Variants in AOC1 observed in about 807,000 individuals in gnomAD.
AOC1 encodes the protein amine oxidase copper containing 1.
AOC1 carries 58 observed loss-of-function variants against 57.1 expected under a neutral mutation model. The ratio of observed to expected loss-of-function variants is 1.02; its 90% CI spans 0.82 to 1.26. AOC1 has a LOEUF of 1.26. AOC1 is among the 50% of genes most tolerant of loss of function. The pLI is 0.00. For synonymous variants in AOC1, 401 were observed against 423.4 expected (o/e 0.95, Z 0.65); for missense variants, 917 against 1,005.3 (o/e 0.91, Z 1.19).
intron 1 of AOC1, among the ~76,000 whole-genome samples, chr7:150,853,285 G>T (rs183196221): frequency 6.6e-6 from 1 of 152,176 alleles, no homozygotes; most frequent in African/African-American, 2.4e-5. Flanking sequence ...TGATGTGCAG[G>T]TTCATCAGCC....
At chr7:150,859,441 C>T (rs148084734) in intron 3 of AOC1, among the ~76,000 whole-genome samples, 16 of 152,082 alleles carry the variant, frequency 1.1e-4, no homozygotes, top group African/African-American at 3.1e-4. Flanking sequence ...CGGTGGCTCA[C>T]GCCTGTAATC....
At chr7:150,860,331 C>A in intron 3 of AOC1, 170 bp from the exon 4 acceptor site, 1 of 1,209,628 alleles carries the variant, frequency 8.3e-7, no homozygotes, top group Non-Finnish European at 1.1e-6. Context: ...TGTGGGTCAC[C>A]TGAACCCGGT....
chr7:150,853,686 TATATATATA>T (rs375894324), intron 1 of AOC1, among the ~76,000 whole-genome samples: 34,857 of 92,560 alleles, frequency 0.38, 5,129 homozygotes, highest in East Asian at 0.57. Flanking sequence ...TATATATATA[TATATATATA>T]TATTTATTTA....
chr7:150,858,893 C>G lies in AOC1; in HGVS notation c.1701C>G (p.Phe567Leu). The G allele has an allele frequency of 6.2e-7, 1 of 1,613,694 alleles. No homozygotes were observed. Among genetic ancestry groups the G allele is most frequent in the Non-Finnish European group, 8.5e-7 (1 of 1,179,744 alleles). The change falls in exon 3 of 5, where the codon TTC becomes TTG. Residue 567 changes from phenylalanine to leucine, a missense_variant. Phe to Leu is a conservative substitution (Grantham distance 22). Coordinates refer to ENST00000360937, the MANE Select transcript of AOC1 (RefSeq NM_001091.4). ...ACTCCTGGGAGCGCCAGGCGGCCTTCCGCTTCAAAAGGAAGCTGCCTAAGT... is the reference window on the plus strand; with the variant it reads ...ACTCCTGGGAGCGCCAGGCGGCCTTGCGCTTCAAAAGGAAGCTGCCTAAGT... ...TQYSWERQAAFRFKRKLPKYL... is the reference protein window; with the variant it reads ...TQYSWERQAALRFKRKLPKYL...
At position 150,857,231 on chromosome 7, in the gene AOC1, C is replaced by T. The variant is rs867989986; in HGVS notation, c.761C>T (p.Ala254Val). Residue 254 changes from alanine (A) to valine (V), a missense_variant, in exon 2 of 5, where the codon GCA becomes GTA. Coordinates refer to ENST00000360937, the MANE Select transcript of AOC1 (RefSeq NM_001091.4). This position sits in a 1 kb window ranked among gnomAD's most constrained non-coding sequence, Gnocchi z 6.6. Reference sequence around the variant, plus strand: ...CCAGAGGAACTGGCTCGGAAGTATGCAGATGGAGAGGTGGACGTGGTGGTC... The same window carrying T: ...CCAGAGGAACTGGCTCGGAAGTATGTAGATGGAGAGGTGGACGTGGTGGTC... ...GSPEELARKY[A>V]DGEVDVVVLE... is the part of the protein sequence containing the mutation. The T allele has an allele frequency of 6.2e-7, 1 of 1,612,224 alleles. No homozygotes were observed. Among genetic ancestry groups the T allele is most frequent in the South Asian group, 1.1e-5 (1 of 90,752 alleles).
rs1255205428 is a variant in AOC1 at position 150,856,690 on chromosome 7, A to G, written c.220A>G (p.Met74Val). Residue 74 changes from methionine (M) to valine (V), a missense_variant, in exon 2 of 5, where the codon ATG becomes GTG. By Grantham distance (21) the Met-to-Val change is conservative. Transcript: ENST00000360937. The surrounding 1 kb of genome is among the most constrained non-coding windows in gnomAD (Gnocchi z 5.2). ...CAAGAACACCGTGTTTCTCATCGAG[A>G]TGCTGCTGCCCAAGAAGTACCATGT... is the stretch of plus-strand genomic sequence containing the variant. ...MAKNTVFLIE[M>V]LLPKKYHVLR... 2 of 1,614,030 alleles carry G rather than the reference A, an allele frequency of 1.2e-6. No individual in the cohort carries two copies. Among genetic ancestry groups the G allele is most frequent in the Non-Finnish European group, 1.7e-6 (2 of 1,179,988 alleles).
chr7:150,860,891 C>T, intron 4 of AOC1, 52 bp from the exon 5 acceptor site: 1 of 1,568,414 alleles, frequency 6.4e-7, no homozygotes. Flanking sequence ...AGAGTGGCCT[C>T]CAGTGGTCAG....
chr7:150,856,653 C>G lies in AOC1; in HGVS notation c.183C>G (p.Thr61=). 1 of 1,614,158 alleles carries G rather than the reference C, an allele frequency of 6.2e-7. No individual in the cohort carries two copies. The part of the protein sequence containing the change: ...KKELRLQPSS[T]TTMAKNTVFL... ...AGCTGAGGCTGCAGCCCTCCAGTAC[C>G]ACCACCATGGCCAAGAACACCGTGT... The change falls in exon 2 of 5, where the codon ACC becomes ACG. Residue 61 remains threonine (T), a synonymous_variant. Transcript: ENST00000360937. This position sits in a 1 kb window ranked among gnomAD's most constrained non-coding sequence, Gnocchi z 5.2.
chr7:150,859,009 C>G lies in AOC1; in HGVS notation c.1817C>G (p.Pro606Arg), dbSNP rs1251630221. ...QIHSMADQVL[P>R]PGWQEEQAIT... ...CACTCCATGGCCGACCAGGTGCTGC[C>G]CCCAGGCTGGCAGGAGGAGCAGGCC... The change falls in exon 3 of 5, where the codon CCC becomes CGC. Residue 606 changes from proline (P) to arginine (R), a missense_variant. Transcript: ENST00000360937. 1 of 1,588,424 alleles carries G rather than the reference C, an allele frequency of 6.3e-7. No individual in the cohort carries two copies. Among genetic ancestry groups the G allele is most frequent in the African/African-American group, 1.3e-5 (1 of 74,266 alleles).
intron 3 of AOC1, 117 bp downstream of exon 3, chr7:150,859,165 CG>C: frequency 9.0e-7 from 1 of 1,116,520 alleles, no homozygotes; most frequent in Non-Finnish European, 1.2e-6. Flanking sequence ...TACACATATA[CG>C]TATGTGTATA....
In AOC1 at chr7:150,856,784, A is replaced by G; in HGVS notation, c.314A>G (p.Asp105Gly). The G allele has an allele frequency of 6.2e-7, 1 of 1,614,120 alleles. No homozygotes were observed. The highest frequency in any genetic ancestry group is 8.5e-7 in the Non-Finnish European group (1 of 1,179,978). ...GCCCGTGCCGTCATCTTCTTTGGTGACCAGGAGCATCCCAATGTCACCGAG... is the reference window on the plus strand; with the variant it reads ...GCCCGTGCCGTCATCTTCTTTGGTGGCCAGGAGCATCCCAATGTCACCGAG... Reference protein sequence around the residue: ...REARAVIFFGDQEHPNVTEFA... With the variant: ...REARAVIFFGGQEHPNVTEFA... The change falls in exon 2 of 5, where the codon GAC (aspartate) becomes GGC (glycine). Residue 105 changes from aspartate (D) to glycine (G), a missense_variant. Transcript: ENST00000360937. The surrounding 1 kb of genome is among the most constrained non-coding windows in gnomAD (Gnocchi z 5.2).
In AOC1 at chr7:150,856,040, T is replaced by C. The variant is rs1380950155; in HGVS notation, c.-16-415T>C. On this transcript the variant is annotated intron_variant, in intron 1 of 4. Coordinates refer to ENST00000360937, the MANE Select transcript of AOC1 (RefSeq NM_001091.4). This position sits in a 1 kb window ranked among gnomAD's most constrained non-coding sequence, Gnocchi z 5.2. ...CAAAATCTGTCTACCTAAAAGGTATTTCGTTGTGTCAGAAATGTAGTTTTG... is the reference window on the plus strand; with the variant it reads ...CAAAATCTGTCTACCTAAAAGGTATCTCGTTGTGTCAGAAATGTAGTTTTG... Among the ~76,000 whole-genome samples the C allele has an allele frequency of 3.3e-5, 5 of 152,120 alleles. No individual in the cohort carries two copies. Among genetic ancestry groups the C allele is most frequent in the African/African-American group, 1.2e-4 (5 of 41,430 alleles).
At chr7:150,854,387 G>C (rs1435256454) in intron 1 of AOC1, among the ~76,000 whole-genome samples, 1 of 152,232 alleles carries the variant, frequency 6.6e-6, no homozygotes, top group African/African-American at 2.4e-5. Flanking sequence ...AGAGCCCTCG[G>C]GTGATGGAAC....
In AOC1 at chr7:150,861,399, C is replaced by A; in HGVS notation, c.*190C>A. 1.7e-6 allele frequency: 1 copy of A among 596,776 alleles called. No individual in the cohort carries two copies. The highest frequency in any genetic ancestry group is 2.8e-6 in the Non-Finnish European group (1 of 355,874). The allele number at this position is 596,776 out of a possible 1,614,324, so 37.0% of individuals were successfully genotyped here. A position where few individuals can be genotyped will look rare whatever the true frequency, so the allele number is the denominator to read the frequency against. ...ACACACACACAGACATGCACACACA[C>A]ACAGACGTGCACACACACAGACGTG... On this transcript the variant is annotated 3_prime_UTR_variant, in exon 5 of 5. Transcript: ENST00000360937. This position sits in a 1 kb window ranked among gnomAD's most constrained non-coding sequence, Gnocchi z 4.5.
rs1799948612 is a variant in AOC1, at chr7:150,860,860, A to G, written c.1990-83A>G. The G allele has an allele frequency of 2.0e-6, 3 of 1,517,958 alleles. No individual in the cohort carries two copies. The South Asian group carries it at 3.7e-5, about 19-fold the overall frequency. The allele number at this position is 1,517,958 out of a possible 1,614,324, so 94.0% of individuals were successfully genotyped here. On this transcript the variant is annotated intron_variant, in intron 4 of 4. Transcript: ENST00000360937. ...AGGAATTCAGCAAGTTTCCAGGCAG[A>G]ACTGAAAATGACCAAAGGCTAGAGT...
At position 150,859,160 on chromosome 7, in the gene AOC1, A is replaced by C. The variant is rs1563098099; in HGVS notation, c.1856+112A>C. ...GTTCCTAGTCTATGTGGATATACACATATACGTATGTGTATATCTGTGTGT... is the reference window on the plus strand; with the variant it reads ...GTTCCTAGTCTATGTGGATATACACCTATACGTATGTGTATATCTGTGTGT... On this transcript the variant is annotated intron_variant, in intron 3 of 4. Coordinates refer to ENST00000360937, the MANE Select transcript of AOC1 (RefSeq NM_001091.4). The C allele has an allele frequency of 2.5e-6, 3 of 1,212,054 alleles. No individual in the cohort carries two copies. The East Asian group carries it at 7.7e-5, about 31-fold the overall frequency. The allele number at this position is 1,212,054 out of a possible 1,614,324, so 75.1% of individuals were successfully genotyped here.
At position 150,858,939 on chromosome 7, in the gene AOC1, C is replaced by G. The variant is rs748847389; in HGVS notation, c.1747C>G (p.Gln583Glu). 1 of 1,611,674 alleles carries G rather than the reference C, an allele frequency of 6.2e-7. No homozygotes were observed. The highest frequency in any genetic ancestry group is 8.5e-7 in the Non-Finnish European group (1 of 1,178,680). Residue 583 changes from glutamine (Q) to glutamate (E), a missense_variant, in exon 3 of 5, where the codon CAG becomes GAG. Physicochemically the swap from Gln to Glu is conservative, Grantham distance 29. Transcript: ENST00000360937. Reference protein sequence around the residue: ...LPKYLLFTSPQENPWGHKRTY... With the variant: ...LPKYLLFTSPEENPWGHKRTY... ...TAAGTACCTGCTCTTTACCAGCCCC[C>G]AGGAGAACCCCTGGGGCCACAAGCG...
At position 150,861,422 on chromosome 7, in the gene AOC1, G is replaced by A. The variant is rs144459404; in HGVS notation, c.*213G>A. On this transcript the variant is annotated 3_prime_UTR_variant, in exon 5 of 5. Coordinates refer to ENST00000360937, the MANE Select transcript of AOC1 (RefSeq NM_001091.4). This position sits in a 1 kb window ranked among gnomAD's most constrained non-coding sequence, Gnocchi z 4.5. ...CACACAGACGTGCACACACACAGAC[G>A]TGCACGCACTCACACGGACATGCAC... 2.1e-5 allele frequency: 11 copies of A among 533,286 alleles called. No individual in the cohort carries two copies. Among genetic ancestry groups the A allele is most frequent in the Admixed American group, 3.3e-5 (1 of 30,684 alleles). The allele number at this position is 533,286 out of a possible 1,614,324, so 33.0% of individuals were successfully genotyped here.
chr7:150,858,074 A>C (rs765352116), intron 2 of AOC1, 34 bp downstream of exon 2: 4 of 1,493,998 alleles, frequency 2.7e-6, no homozygotes, highest in Non-Finnish European at 3.5e-6. Context: ...CCGTTCAAAC[A>C]TCTGCATCCA....
Sources: allele counts gnomAD v4.1 joint callset (sites outside exome capture counted in the v4.1 genomes callset), GRCh38; gene constraint gnomAD v4.1.1; non-coding constraint Gnocchi (gnomAD v3.1); transcripts MANE v1.5; gene names NCBI Gene and HGNC (gene_info 2026-07-23, HGNC 2026-07-21).